The following CCSER1 variants were observed in gnomAD, a reference collection of about 807,000 sequenced individuals.
CCSER1 encodes the protein coiled-coil serine rich protein 1.
In CCSER1, 41 loss-of-function variants were observed where a neutral mutation model predicts 82.0. The observed-to-expected ratio is 0.50, with a 90% CI of 0.39 to 0.65. The LOEUF (loss-of-function observed/expected upper bound fraction) is 0.65, where lower values mean the gene tolerates loss of function less well. CCSER1 is among the 30% of genes least tolerant of loss of function. The probability of loss-of-function intolerance (pLI) is 0.00; values close to 1 mark genes in which losing one functional copy is unlikely to be tolerated. For synonymous variants in CCSER1, 414 were observed against 383.9 expected (o/e 1.08, Z -0.92); for missense variants, 1,119 against 1,064.2 (o/e 1.05, Z -0.72).
At chr4:91,331,065 C>T (rs1040442862) in intron 10 of CCSER1, among the ~76,000 whole-genome samples, 27 of 152,136 alleles carry the variant, frequency 1.8e-4, no homozygotes, top group African/African-American at 6.3e-4. Context: ...TGGTTTCAGA[C>T]ATCCACTGGG....
chr4:91,395,850 C>T (rs1323590623), intron 10 of CCSER1, among the ~76,000 whole-genome samples: 1 of 152,034 alleles, frequency 6.6e-6, no homozygotes, highest in African/African-American at 2.4e-5. Context: ...CAAGTTACTA[C>T]TTTTGTAAAA....
At chr4:91,270,099 G>A (rs1487123887) in intron 10 of CCSER1, among the ~76,000 whole-genome samples, 1 of 152,156 alleles carries the variant, frequency 6.6e-6, no homozygotes, top group Admixed American at 6.5e-5. Flanking sequence ...GGTGCTTTTT[G>A]TAAATTCTGA....
intron 3 of CCSER1, among the ~76,000 whole-genome samples, chr4:90,344,826 A>G (rs1193588604): frequency 6.6e-6 from 1 of 152,160 alleles, no homozygotes; most frequent in Non-Finnish European, 1.5e-5. Flanking sequence ...TGTAACTAAG[A>G]ATAAAATGAG....
intron 10 of CCSER1, among the ~76,000 whole-genome samples, chr4:91,492,334 T>C (rs190343545): frequency 1.1e-3 from 169 of 152,194 alleles, no homozygotes; most frequent in Middle Eastern, 3.4e-3. Context: ...AAAAGGGAGT[T>C]GCTGAATCTC....
chr4:90,769,829 AT>A (rs1324147761), intron 7 of CCSER1, among the ~76,000 whole-genome samples: 2 of 152,194 alleles, frequency 1.3e-5, no homozygotes, highest in Admixed American at 1.3e-4. Flanking sequence ...TATATTTTAC[AT>A]GTAAAAGGAA....
intron 7 of CCSER1, among the ~76,000 whole-genome samples, chr4:90,732,935 T>C (rs1745014923): frequency 6.6e-6 from 1 of 152,212 alleles, no homozygotes; most frequent in Admixed American, 6.5e-5. Context: ...CATCTGTTGA[T>C]AGTCACTTGG....
chr4:90,401,950 G>C (rs10452166), intron 4 of CCSER1, among the ~76,000 whole-genome samples: 13,819 of 152,220 alleles, frequency 0.091, 1,203 homozygotes, highest in African/African-American at 0.23. Flanking sequence ...TGAATATATA[G>C]TTTGCCCCTC....
intron 9 of CCSER1, among the ~76,000 whole-genome samples, chr4:90,966,697 T>C (rs1010746281): frequency 6.6e-6 from 1 of 152,128 alleles, no homozygotes; most frequent in African/African-American, 2.4e-5. Context: ...TGAAAACTTA[T>C]ACATTTATTT....
intron 7 of CCSER1, among the ~76,000 whole-genome samples, chr4:90,735,911 G>A (rs908676200): frequency 3.9e-5 from 6 of 152,036 alleles, no homozygotes; most frequent in African/African-American, 1.4e-4. Context: ...GTGTTTTCAT[G>A]TTCATTGGTT....
chr4:90,386,629 TA>T (rs1291890016), intron 3 of CCSER1, among the ~76,000 whole-genome samples: 1 of 151,842 alleles, frequency 6.6e-6, no homozygotes, highest in Non-Finnish European at 1.5e-5. Flanking sequence ...CAAAAGCAAA[TA>T]AAAATAAATA....
chr4:90,797,344 T>G (rs1332340603), intron 7 of CCSER1, among the ~76,000 whole-genome samples: 1 of 152,212 alleles, frequency 6.6e-6, no homozygotes, highest in Non-Finnish European at 1.5e-5. Flanking sequence ...TAGATTTTTC[T>G]GCATCCCTTT....
intron 10 of CCSER1, among the ~76,000 whole-genome samples, chr4:91,095,781 G>A (rs1039041915): frequency 1.3e-5 from 2 of 151,944 alleles, no homozygotes; most frequent in African/African-American, 2.4e-5. Context: ...TTCAATTAAT[G>A]CCTCCCAGTA....
At chr4:90,779,694 A>G (rs1013694371) in intron 7 of CCSER1, among the ~76,000 whole-genome samples, 4 of 152,320 alleles carry the variant, frequency 2.6e-5, no homozygotes, top group African/African-American at 9.6e-5. Context: ...CACTGAGCCC[A>G]CGAGCTGAAA....
Position 90,745,484 on chromosome 4 carries a change from C to T in CCSER1, c.2010+21493C>T, listed in dbSNP as rs1747259332. On this transcript the variant is annotated intron_variant, in intron 7 of 10. Transcript: ENST00000509176. Reference sequence around the variant, plus strand: ...GCGGGAAGCGTTATTCTGCCTGTCACAGTCAGTAATATCACACAAGTAAGA... The same window carrying T: ...GCGGGAAGCGTTATTCTGCCTGTCATAGTCAGTAATATCACACAAGTAAGA... Among the ~76,000 whole-genome samples, 3 of 152,112 alleles carry T rather than the reference C, an allele frequency of 2.0e-5. No homozygotes were observed. The South Asian group carries it at 6.2e-4, about 32-fold the overall frequency.
chr4:91,020,658 T>C (rs913279088), intron 9 of CCSER1, among the ~76,000 whole-genome samples: 12 of 149,756 alleles, frequency 8.0e-5, no homozygotes, highest in African/African-American at 2.5e-4. Flanking sequence ...CGAGACTCCG[T>C]CTCAAAAAAA....
chr4:90,736,849 C>A (rs1157823977), intron 7 of CCSER1, among the ~76,000 whole-genome samples: 2 of 151,492 alleles, frequency 1.3e-5, no homozygotes, highest in Non-Finnish European at 3.0e-5. Flanking sequence ...TTTTATTTTT[C>A]TTTATCTGCT....
chr4:90,725,909 G>A (rs1743550434), intron 7 of CCSER1, among the ~76,000 whole-genome samples: 1 of 151,840 alleles, frequency 6.6e-6, no homozygotes, highest in Admixed American at 6.6e-5. Context: ...AAAATAAAAG[G>A]TTGTCTTTTT....
intron 9 of CCSER1, among the ~76,000 whole-genome samples, chr4:91,009,638 G>T (rs1003559570): frequency 6.6e-6 from 1 of 151,988 alleles, no homozygotes; most frequent in African/African-American, 2.4e-5. Context: ...GCTAAGCTTT[G>T]ATTCTTTCAT....
chr4:90,815,683 T>C (rs1200167801), intron 7 of CCSER1, 79 bp from the exon 8 acceptor site: 1 of 895,280 alleles, frequency 1.1e-6, no homozygotes, highest in Non-Finnish European at 1.7e-6. Context: ...TATCTCCCAC[T>C]GTGTGAAGCT....
Sources: allele counts gnomAD v4.1 joint callset (sites outside exome capture counted in the v4.1 genomes callset), GRCh38; gene constraint gnomAD v4.1.1; transcripts MANE v1.5; gene names NCBI Gene and HGNC (gene_info 2026-07-23, HGNC 2026-07-21).